PDE11A: variants seen among roughly 807,000 people sequenced by gnomAD.
PDE11A encodes the protein dual 3',5'-cyclic-AMP and -GMP phosphodiesterase 11A.
A neutral mutation model predicts 100.5 loss-of-function variants in PDE11A; 100 were observed. The observed-to-expected ratio is 1.00, with a 90% CI of 0.85 to 1.18. The LOEUF (loss-of-function observed/expected upper bound fraction) is 1.18. Ranked by LOEUF, PDE11A falls within the 50% of genes most tolerant of loss-of-function variation. The pLI is 0.00. For missense variants in PDE11A, 1,141 were observed against 1,152.6 expected (o/e 0.99, Z 0.15); for synonymous variants, 381 against 420.8 (o/e 0.91, Z 1.16).
At chr2:178,024,265 A>T (rs2086450207) in intron 1 of PDE11A, among the ~76,000 whole-genome samples, 1 of 152,132 alleles carries the variant, frequency 6.6e-6, no homozygotes, top group South Asian at 2.1e-4. Context: ...TACAAAAATT[A>T]GCCGGGCATA....
At chr2:177,945,338 C>T (rs1163746765) in intron 2 of PDE11A, among the ~76,000 whole-genome samples, 28 of 141,400 alleles carry the variant, frequency 2.0e-4, no homozygotes, top group South Asian at 2.4e-4. Context: ...AAGTGAGGAG[C>T]GTCTCCGCCC....
intron 2 of PDE11A, among the ~76,000 whole-genome samples, chr2:177,959,048 C>T (rs17330075): frequency 0.16 from 23,816 of 151,996 alleles, 1,919 homozygotes; most frequent in Middle Eastern, 0.27. Context: ...TGAATAACTA[C>T]GCTGCTATAA....
In PDE11A at chr2:177,637,998, T is replaced by TATATATA. The variant is rs1491152209; in HGVS notation, c.2647-8437_2647-8436insTATATAT. On this transcript the variant is annotated intron_variant, in intron 19 of 19. Transcript: ENST00000286063. ...ACACGTGTATATATATATATATATA[T>TATATATA]TTTTTTTTTTTTTTTTTTTGAGATG... 5.4e-3 allele frequency among the ~76,000 whole-genome samples: 120 copies of TATATATA among 22,162 alleles called. 1 individual carries two copies. The highest frequency in any genetic ancestry group is 0.011 in the East Asian group (10 of 890). The allele number at this position is 22,162 out of a possible 152,430, so 14.5% of individuals were successfully genotyped here. A position where few individuals can be genotyped will look rare whatever the true frequency, so the allele number is the denominator to read the frequency against.
At chr2:178,072,805 G>A (rs1271094246), upstream of PDE11A, 1 of 1,219,252 alleles carries the variant, frequency 8.2e-7, no homozygotes, top group African/African-American at 1.6e-5. Context: ...TGACAGGGAG[G>A]TAGGGCAGGA....
chr2:177,636,143 A>G (rs2080034965), intron 19 of PDE11A, among the ~76,000 whole-genome samples: 1 of 152,180 alleles, frequency 6.6e-6, no homozygotes, highest in Admixed American at 6.5e-5. Flanking sequence ...TATAATAGCC[A>G]TACTAACAAA....
At chr2:177,770,855 C>T (rs2082301891) in intron 9 of PDE11A, among the ~76,000 whole-genome samples, 1 of 152,188 alleles carries the variant, frequency 6.6e-6, no homozygotes, top group South Asian at 2.1e-4. Flanking sequence ...TGAGACAGGT[C>T]TCACTCTATT....
intron 2 of PDE11A, among the ~76,000 whole-genome samples, chr2:177,989,344 T>A (rs1326765859): frequency 1.3e-5 from 2 of 152,156 alleles, no homozygotes; most frequent in African/African-American, 4.8e-5. Flanking sequence ...ATGAACAAAG[T>A]CCAGAAAGAA....
intron 15 of PDE11A, chr2:177,683,400 T>C (rs1218322513): frequency 2.6e-5 from 4 of 152,270 alleles, no homozygotes; most frequent in Non-Finnish European, 5.9e-5. Context: ...AACTTTCTTA[T>C]CTTCTTCACT....
chr2:177,667,887 T>C (rs1319667416), intron 18 of PDE11A, among the ~76,000 whole-genome samples: 1 of 152,170 alleles, frequency 6.6e-6, no homozygotes, highest in Middle Eastern at 3.2e-3. Context: ...CTCCCATGAC[T>C]CCTGGGACCA....
intron 2 of PDE11A, among the ~76,000 whole-genome samples, chr2:177,972,980 G>C (rs1175591404): frequency 6.6e-6 from 1 of 152,202 alleles, no homozygotes; most frequent in Non-Finnish European, 1.5e-5. Context: ...GAGTGGATAA[G>C]GCAGTTTGGG....
At chr2:177,687,153 A>T (rs2080964737) in intron 15 of PDE11A, 1 of 152,226 alleles carries the variant, frequency 6.6e-6, no homozygotes, top group Non-Finnish European at 1.5e-5. Context: ...TTTATTGTGC[A>T]TATTTAATAA....
At chr2:177,787,599 G>A (rs1316727094) in intron 9 of PDE11A, among the ~76,000 whole-genome samples, 1 of 151,078 alleles carries the variant, frequency 6.6e-6, no homozygotes, top group Non-Finnish European at 1.5e-5. Flanking sequence ...CTGGCAAATT[G>A]GATAAAGAGT....
chr2:178,021,251 C>T (rs1031811917), intron 1 of PDE11A, among the ~76,000 whole-genome samples: 8 of 151,972 alleles, frequency 5.3e-5, no homozygotes, highest in South Asian at 2.1e-4. Context: ...CATGAGCCAC[C>T]GCACCCAGCC....
intron 6 of PDE11A, among the ~76,000 whole-genome samples, chr2:177,835,500 T>C (rs2083381675): frequency 6.6e-6 from 1 of 152,124 alleles, no homozygotes; most frequent in East Asian, 1.9e-4. Context: ...GAGCTGAGGG[T>C]GAGAGGTGAC....
chr2:178,041,401 G>A (rs2086681528), intron 1 of PDE11A, among the ~76,000 whole-genome samples: 1 of 151,592 alleles, frequency 6.6e-6, no homozygotes, highest in Non-Finnish European at 1.5e-5. Flanking sequence ...GCACCACCAC[G>A]CCCGGCTAAT....
intron 12 of PDE11A, among the ~76,000 whole-genome samples, chr2:177,721,106 G>T (rs925354572): frequency 2.6e-5 from 4 of 151,840 alleles, no homozygotes; most frequent in Non-Finnish European, 4.4e-5. Context: ...CACTTCTAAG[G>T]CTTAATTTTT....
chr2:177,929,347 T>C (rs1042427237), intron 2 of PDE11A, among the ~76,000 whole-genome samples: 6 of 152,212 alleles, frequency 3.9e-5, no homozygotes, highest in Non-Finnish European at 8.8e-5. Context: ...CTCCATTTGC[T>C]GGGCAAAATG....
intron 9 of PDE11A, among the ~76,000 whole-genome samples, chr2:177,808,324 T>C (rs2082903036): frequency 6.6e-6 from 1 of 152,232 alleles, no homozygotes; most frequent in Admixed American, 6.5e-5. Flanking sequence ...TAGTTATCAT[T>C]TGGACAATCA....
intron 15 of PDE11A, among the ~76,000 whole-genome samples, chr2:177,690,846 G>T (rs1226207740): frequency 1.3e-5 from 2 of 152,230 alleles, no homozygotes; most frequent in East Asian, 3.8e-4. Context: ...CTGAGGCATT[G>T]TGTCATGGAG....
Sources: allele counts gnomAD v4.1 joint callset (sites outside exome capture counted in the v4.1 genomes callset), GRCh38; gene constraint gnomAD v4.1.1; transcripts MANE v1.5; gene names NCBI Gene and HGNC (gene_info 2026-07-23, HGNC 2026-07-21).